The following KLB variants were observed in gnomAD, a reference collection of about 807,000 sequenced individuals.
KLB encodes the protein klotho beta.
A neutral mutation model predicts 88.4 loss-of-function variants in KLB; 44 were observed. The ratio of observed to expected loss-of-function variants is 0.50; its 90% CI spans 0.39 to 0.64. KLB has a LOEUF of 0.64. Among genes scored for constraint, KLB ranks in the 30% least tolerant of loss-of-function variants. The pLI is 0.00. For synonymous variants in KLB, 548 were observed against 513.4 expected (o/e 1.07, Z -0.91); for missense variants, 1,137 against 1,304.8 (o/e 0.87, Z 1.98).
intron 3 of KLB, among the ~76,000 whole-genome samples, chr4:39,445,883 C>T (rs988999084): frequency 6.6e-6 from 1 of 151,974 alleles, no homozygotes; most frequent in African/African-American, 2.4e-5. Context: ...CATTGCCTAC[C>T]CCACCGCACC....
rs538491827 is a variant in KLB, at chr4:39,447,187, T to C, written c.2461T>C (p.Cys821Arg). The change falls in exon 4 of 5, where the codon TGC becomes CGC. Residue 821 changes from cysteine to arginine, a missense_variant. By Grantham distance (180) the Cys-to-Arg change is radical. This residue lies in a region of KLB where 426 missense variants were observed against 404.6 expected (regional missense o/e 1.05). Transcript: ENST00000257408. ...GCTGCTCAAGGGCACGGTCGACTTC[T>C]GCGCGCTCAACCACTTCACCACTAG... ...RRLLKGTVDF[C>R]ALNHFTTRFV... is the part of the protein sequence containing the mutation. The C allele has an allele frequency of 6.2e-6, 10 of 1,613,948 alleles. No individual in the cohort carries two copies. Among genetic ancestry groups the C allele is most frequent in the East Asian group, 2.2e-5 (1 of 44,880 alleles).
chr4:39,423,311 T>C (rs772275556), intron 1 of KLB, among the ~76,000 whole-genome samples: 5 of 151,834 alleles, frequency 3.3e-5, no homozygotes, highest in Non-Finnish European at 7.3e-5. Flanking sequence ...TGCTGACAGG[T>C]CCTCCATGAC....
chr4:39,415,762 A>G (rs555355909), intron 1 of KLB, among the ~76,000 whole-genome samples: 1 of 152,244 alleles, frequency 6.6e-6, no homozygotes, highest in Admixed American at 6.5e-5. Context: ...ATTACCACAC[A>G]CAAATGATGA....
rs377760749 is a variant in KLB, at chr4:39,437,721, G to C, written c.1337-6G>C. ...TGAACATCTCTGCTTTCTTTTCTCT[G>C]TGCAGCAATAAGGTTAGATGAAATA... On this transcript the variant is annotated splice_region_variant and splice_polypyrimidine_tract_variant and intron_variant, in intron 2 of 4. Transcript: ENST00000257408. The C allele has an allele frequency of 6.2e-7, 1 of 1,601,652 alleles. No homozygotes were observed. Among genetic ancestry groups the C allele is most frequent in the East Asian group, 2.2e-5 (1 of 44,672 alleles).
In KLB at chr4:39,437,772, C is replaced by G. The variant is rs753360830; in HGVS notation, c.1382C>G (p.Ser461Cys). 2 of 1,613,930 alleles carry G rather than the reference C, an allele frequency of 1.2e-6. No individual in the cohort carries two copies. The highest frequency in any genetic ancestry group is 2.2e-5 in the South Asian group (2 of 91,056). ...CGAGTGTTTGGTTATACTGCCTGGT[C>G]TCTCCTGGATGGCTTTGAATGGCAG... ...EIRVFGYTAW[S>C]LLDGFEWQDA... The change falls in exon 3 of 5, where the codon TCT becomes TGT. Residue 461 changes from serine (S) to cysteine (C), a missense_variant. Ser to Cys is a moderately radical substitution (Grantham distance 112). This residue lies in a region of KLB where 597 missense variants were observed against 765.2 expected (regional missense o/e 0.78). Transcript: ENST00000257408.
At chr4:39,415,494 TA>T (rs1396475870) in intron 1 of KLB, among the ~76,000 whole-genome samples, 2 of 151,838 alleles carry the variant, frequency 1.3e-5, no homozygotes, top group East Asian at 1.9e-4. Context: ...ACTGCATCTC[TA>T]AAAAAATAAA....
intron 2 of KLB, 123 bp from the exon 3 acceptor site, chr4:39,437,604 A>G: frequency 9.1e-7 from 1 of 1,101,514 alleles, no homozygotes. Flanking sequence ...GATACAGCAG[A>G]CCTGAAAATT....
In KLB at chr4:39,450,711, G is replaced by A. The variant is rs1578219213; in HGVS notation, c.*2025G>A. The A allele has an allele frequency of 6.6e-6, 1 of 152,060 alleles. No homozygotes were observed. The highest frequency in any genetic ancestry group is 2.4e-5 in the African/African-American group (1 of 41,404). 9.4% of individuals were successfully genotyped at this position (152,060 alleles called of 1,614,324 possible). A position where few individuals can be genotyped will look rare whatever the true frequency, so the allele number is the denominator to read the frequency against. Reference sequence around the variant, plus strand: ...ATTCTGTTTTTATTACTCTAACTATGTAGAAACAGTAAGTCACTTAAAACA... The same window carrying A: ...ATTCTGTTTTTATTACTCTAACTATATAGAAACAGTAAGTCACTTAAAACA... On this transcript the variant is annotated 3_prime_UTR_variant, in exon 5 of 5. Transcript: ENST00000257408.
At position 39,429,210 on chromosome 4, in the gene KLB, G is replaced by A. The variant is rs377033135; in HGVS notation, c.826-5000G>A. 5.9e-5 allele frequency among the ~76,000 whole-genome samples: 9 copies of A among 152,290 alleles called. No homozygotes were observed. In the East Asian group the frequency reaches 1.7e-3, roughly 29 times the overall value. Reference sequence around the variant, plus strand: ...TCAGCCAAAATGTGACCAAACTCATGCACAGATTTGGAAATGGAACTTTTG... The same window carrying A: ...TCAGCCAAAATGTGACCAAACTCATACACAGATTTGGAAATGGAACTTTTG... On this transcript the variant is annotated intron_variant, in intron 1 of 4. Coordinates refer to ENST00000257408, the MANE Select transcript of KLB (RefSeq NM_175737.4).
intron 1 of KLB, among the ~76,000 whole-genome samples, chr4:39,422,300 G>C (rs192327864): frequency 1.1e-3 from 164 of 152,272 alleles, no homozygotes; most frequent in African/African-American, 3.8e-3. Context: ...ATGTGGGAGA[G>C]AGGGAGGTTC....
chr4:39,420,725 A>G (rs1017073671), intron 1 of KLB, among the ~76,000 whole-genome samples: 2 of 152,134 alleles, frequency 1.3e-5, no homozygotes, highest in Non-Finnish European at 2.9e-5. Flanking sequence ...CTTGTTGCCC[A>G]GGCTGGTCTT....
At chr4:39,433,122 C>T (rs1005492076) in intron 1 of KLB, among the ~76,000 whole-genome samples, 3 of 152,240 alleles carry the variant, frequency 2.0e-5, no homozygotes, top group African/African-American at 7.2e-5. Flanking sequence ...TCAGGTGATC[C>T]GCCTACCTCG....
intron 1 of KLB, among the ~76,000 whole-genome samples, chr4:39,416,678 G>C (rs1199070799): frequency 7.6e-6 from 1 of 131,468 alleles, no homozygotes; most frequent in Non-Finnish European, 1.7e-5. Context: ...TACCGCTACT[G>C]GGGAGGCTGA....
Position 39,434,392 on chromosome 4 carries a change from G to A in KLB, c.1008G>A (p.Gly336=). The change falls in exon 2 of 5, where the codon GGG becomes GGA. Residue 336 remains glycine, a synonymous_variant. Transcript: ENST00000257408. The stretch of plus-strand genomic sequence containing the variant: ...GATGGTTTGCCAACCCTATCCATGG[G>A]GATGGCGACTATCCAGAGGGGATGA... ...VLGWFANPIH[G]DGDYPEGMRK... is the part of the protein sequence containing the mutation. The A allele has an allele frequency of 8.7e-6, 14 of 1,614,084 alleles. No individual in the cohort carries two copies. Among genetic ancestry groups the A allele is most frequent in the Non-Finnish European group, 1.2e-5 (14 of 1,180,002 alleles).
At chr4:39,431,574 C>T (rs1476023536) in intron 1 of KLB, among the ~76,000 whole-genome samples, 2 of 152,146 alleles carry the variant, frequency 1.3e-5, no homozygotes, top group East Asian at 1.9e-4. Context: ...CTTAAGGATC[C>T]TTGGGAATAC....
chr4:39,449,791 G>C lies in KLB; in HGVS notation c.*1105G>C, dbSNP rs1328796498. On this transcript the variant is annotated 3_prime_UTR_variant, in exon 5 of 5. Coordinates refer to ENST00000257408, the MANE Select transcript of KLB (RefSeq NM_175737.4). ...AATACAAAAGTTAGCCGGGCATGGT[G>C]GTGGGCACCTGTAATCCCAGCTACT... 6.6e-6 allele frequency: 1 copy of C among 152,110 alleles called. No homozygotes were observed. The highest frequency in any genetic ancestry group is 2.4e-5 in the African/African-American group (1 of 41,392). 9.4% of individuals were successfully genotyped at this position (152,110 alleles called of 1,614,324 possible).
chr4:39,447,360 G>A lies in KLB; in HGVS notation c.2634G>A (p.Arg878=), dbSNP rs770773049. ...GVRKLLRWVR[R]NYGDMDIYIT... is the part of the protein sequence containing the mutation. ...GCAAGCTGCTGCGGTGGGTCCGGAGGAACTACGGCGACATGGACATTTACA... is the reference window on the plus strand; with the variant it reads ...GCAAGCTGCTGCGGTGGGTCCGGAGAAACTACGGCGACATGGACATTTACA... Residue 878 remains arginine (R), a synonymous_variant, in exon 4 of 5, where the codon AGG becomes AGA. Coordinates refer to ENST00000257408, the MANE Select transcript of KLB (RefSeq NM_175737.4). 2 of 1,613,862 alleles carry A rather than the reference G, an allele frequency of 1.2e-6. No individual in the cohort carries two copies. The highest frequency in any genetic ancestry group is 2.7e-5 in the African/African-American group (2 of 74,950).
rs140228825 is a variant in KLB, at chr4:39,450,647, T to C, written c.*1961T>C. ...TTTTTTTAGTATTAACATCTCCCTC[T>C]GAGAACTATGTACCTAAGGTCACGC... is the stretch of plus-strand genomic sequence containing the variant. On this transcript the variant is annotated 3_prime_UTR_variant, in exon 5 of 5. Transcript: ENST00000257408. 6.6e-6 allele frequency: 1 copy of C among 152,316 alleles called. No individual in the cohort carries two copies. Among genetic ancestry groups the C allele is most frequent in the East Asian group, 1.9e-4 (1 of 5,192 alleles). The allele number at this position is 152,316 out of a possible 1,614,324, so 9.4% of individuals were successfully genotyped here.
Position 39,407,743 on chromosome 4 carries a change from C to T in KLB, c.794C>T (p.Ala265Val). 1.2e-6 allele frequency: 2 copies of T among 1,601,962 alleles called. No individual in the cohort carries two copies. Among genetic ancestry groups the T allele is most frequent in the Non-Finnish European group, 8.5e-7 (1 of 1,170,386 alleles). The change falls in exon 1 of 5, where the codon GCT (alanine) becomes GTT (valine). Residue 265 changes from alanine to valine, a missense_variant. By Grantham distance (64) the Ala-to-Val change is moderately conservative (BLOSUM62 0). This residue lies in a region of KLB where 597 missense variants were observed against 765.2 expected (regional missense o/e 0.78). Transcript: ENST00000257408. ...HAPGEKGNLA[A>V]VYTVGHNLIK... Reference sequence around the variant, plus strand: ...CCTGGAGAGAAGGGAAATTTAGCAGCTGTCTACACTGTGGGACACAACTTG... The same window carrying T: ...CCTGGAGAGAAGGGAAATTTAGCAGTTGTCTACACTGTGGGACACAACTTG...
Sources: allele counts gnomAD v4.1 joint callset (sites outside exome capture counted in the v4.1 genomes callset), GRCh38; gene constraint gnomAD v4.1.1; regional missense constraint gnomAD v4.1.1; transcripts MANE v1.5; gene names NCBI Gene and HGNC (gene_info 2026-07-23, HGNC 2026-07-21).